Variants in UBAP2 observed in about 807,000 individuals in gnomAD.
UBAP2 encodes the protein ubiquitin associated protein 2.
A neutral mutation model predicts 139.6 loss-of-function variants in UBAP2; 75 were observed. The ratio of observed to expected loss-of-function variants is 0.54; its 90% confidence interval spans 0.45 to 0.65. The LOEUF (loss-of-function observed/expected upper bound fraction) is 0.65. UBAP2 is among the 30% of genes least tolerant of loss of function. The probability of loss-of-function intolerance (pLI) is 0.00; values close to 1 mark genes in which losing one functional copy is unlikely to be tolerated. For missense variants in UBAP2, 1,368 were observed against 1,369.6 expected (o/e 1.00, Z 0.02); for synonymous variants, 526 against 526.2 (o/e 1.00, Z 0.01).
chr9:33,977,715 T>C (rs1198416301), intron 6 of UBAP2, among the ~76,000 whole-genome samples: 1 of 151,372 alleles, frequency 6.6e-6, no homozygotes, highest in Non-Finnish European at 1.5e-5. Flanking sequence ...CAGGCTGGAG[T>C]GCAGTGGCGT....
At chr9:33,932,934 T>C (rs549434411) in intron 18 of UBAP2, among the ~76,000 whole-genome samples, 2 of 152,236 alleles carry the variant, frequency 1.3e-5, no homozygotes, top group Non-Finnish European at 2.9e-5. Context: ...ACAATCCCAT[T>C]CAATCTGTGA....
chr9:34,010,636 C>T (rs759870166), intron 2 of UBAP2, among the ~76,000 whole-genome samples: 1 of 152,018 alleles, frequency 6.6e-6, no homozygotes. Context: ...CTGTACAACT[C>T]TCAACTTTTC....
intron 6 of UBAP2, among the ~76,000 whole-genome samples, chr9:33,982,992 C>T (rs1301395997): frequency 6.6e-6 from 1 of 151,620 alleles, no homozygotes; most frequent in Non-Finnish European, 1.5e-5. Flanking sequence ...CAATTCTCTG[C>T]CCCGGCCTCC....
At chr9:34,028,335 C>G (rs1195310807) in intron 1 of UBAP2, among the ~76,000 whole-genome samples, 1 of 149,360 alleles carries the variant, frequency 6.7e-6, no homozygotes, top group Non-Finnish European at 1.5e-5. Context: ...CTATTCCTAT[C>G]CTGCTAATTC....
At chr9:33,963,389 G>A (rs960346621) in intron 9 of UBAP2, among the ~76,000 whole-genome samples, 97 of 152,120 alleles carry the variant, frequency 6.4e-4, no homozygotes, top group African/African-American at 2.2e-3. Context: ...AAAATATAAC[G>A]GAAAAACTTC....
intron 8 of UBAP2, among the ~76,000 whole-genome samples, chr9:33,964,916 C>T (rs1443422436): frequency 6.6e-6 from 1 of 152,120 alleles, no homozygotes; most frequent in Non-Finnish European, 1.5e-5. Flanking sequence ...CTCACCAGCA[C>T]TTGGAATTTT....
chr9:34,009,107 G>GTT (rs199657011), intron 2 of UBAP2, among the ~76,000 whole-genome samples: 8 of 136,924 alleles, frequency 5.8e-5, no homozygotes, highest in African/African-American at 1.4e-4. Flanking sequence ...GTTTTGTTTT[G>GTT]TTTTTTTTTT....
At chr9:34,011,992 A>G (rs1823788269) in intron 2 of UBAP2, among the ~76,000 whole-genome samples, 1 of 51,252 alleles carries the variant, frequency 2.0e-5, no homozygotes, top group African/African-American at 6.1e-5. Context: ...CACCAAAGAT[A>G]AACATTAACA....
intron 2 of UBAP2, among the ~76,000 whole-genome samples, chr9:34,001,850 TAC>T (rs1000582422): frequency 2.6e-5 from 4 of 151,876 alleles, no homozygotes; most frequent in Non-Finnish European, 4.4e-5. Flanking sequence ...TTCCCATCAT[TAC>T]AGTTTCTTAA....
At chr9:33,974,400 G>A (rs925399534) in intron 6 of UBAP2, among the ~76,000 whole-genome samples, 5 of 151,994 alleles carry the variant, frequency 3.3e-5, no homozygotes, top group African/African-American at 7.3e-5. Context: ...CCAACTACTC[G>A]GAAGGCTGAA....
Position 33,933,639 on chromosome 9 carries a change from T to G in UBAP2, c.1970-11A>C. 6.2e-7 allele frequency: 1 copy of G among 1,613,258 alleles called. No homozygotes were observed. The highest frequency in any genetic ancestry group is 8.5e-7 in the Non-Finnish European group (1 of 1,179,758). ...CTGTTGTCTTTGGAGCTGGAACAGA[T>G]GAAGTAGCTGTAAGAAGCAGATCTG... On this transcript the variant is annotated splice_polypyrimidine_tract_variant and intron_variant, in intron 17 of 28. Transcript: ENST00000379238.
At chr9:34,032,901 G>A (rs1826008805) in intron 1 of UBAP2, among the ~76,000 whole-genome samples, 1 of 138,748 alleles carries the variant, frequency 7.2e-6, no homozygotes. Context: ...GGGCAACAGA[G>A]CAAGACCCTG....
intron 6 of UBAP2, among the ~76,000 whole-genome samples, chr9:33,984,488 C>T (rs1481029460): frequency 6.6e-6 from 1 of 151,302 alleles, no homozygotes; most frequent in African/African-American, 2.4e-5. Flanking sequence ...CATTGCAAGA[C>T]CCCATCTCTT....
At chr9:34,043,696 A>G (rs1017415350) in intron 1 of UBAP2, among the ~76,000 whole-genome samples, 47 of 151,784 alleles carry the variant, frequency 3.1e-4, no homozygotes, top group Admixed American at 1.3e-3. Flanking sequence ...GGGTCTCACT[A>G]TATTGCCCAC....
chr9:34,035,883 C>G (rs1826320349), intron 1 of UBAP2, among the ~76,000 whole-genome samples: 1 of 128,696 alleles, frequency 7.8e-6, no homozygotes, highest in Non-Finnish European at 1.7e-5. Context: ...CAAGGACATA[C>G]TGCACATTCT....
At position 34,004,741 on chromosome 9, in the gene UBAP2, G is replaced by C. The variant is rs147185317; in HGVS notation, c.100-5877C>G. ...GGAGCTTGCAGTGAGCCGAGATAGC[G>C]CCACTGCACTCCAGCCTGGGCAAAA... On this transcript the variant is annotated intron_variant, in intron 2 of 28. Transcript: ENST00000379238. Among the ~76,000 whole-genome samples, 476 of 151,196 alleles carry C rather than the reference G, an allele frequency of 3.1e-3. 4 individuals carry two copies. The highest frequency in any genetic ancestry group is 4.0e-3 in the Non-Finnish European group (274 of 67,834).
chr9:33,939,189 C>CT (rs72150705), intron 16 of UBAP2, among the ~76,000 whole-genome samples: 800 of 78,550 alleles, frequency 0.01, 44 homozygotes, highest in African/African-American at 0.033. Context: ...TTTCCTATGT[C>CT]TTTTTTTTTT....
intron 1 of UBAP2, among the ~76,000 whole-genome samples, chr9:34,040,013 C>T (rs1162616237): frequency 2.0e-5 from 3 of 151,824 alleles, no homozygotes; most frequent in Admixed American, 1.3e-4. Flanking sequence ...CAAAATTAGC[C>T]GGGGGCATGG....
At chr9:34,030,317 C>T (rs986119844) in intron 1 of UBAP2, among the ~76,000 whole-genome samples, 1 of 150,786 alleles carries the variant, frequency 6.6e-6, no homozygotes, top group Non-Finnish European at 1.5e-5. Flanking sequence ...GGCGTGGTGG[C>T]GGGCACCTGT....
Sources: allele counts gnomAD v4.1 joint callset (sites outside exome capture counted in the v4.1 genomes callset), GRCh38; gene constraint gnomAD v4.1.1; transcripts MANE v1.5; gene names NCBI Gene and HGNC (gene_info 2026-07-23, HGNC 2026-07-21).